DACH2: variants seen among roughly 807,000 people sequenced by gnomAD.
The protein encoded by DACH2 is dachshund family transcription factor 2.
A neutral mutation model predicts 35.8 loss-of-function variants in DACH2; 17 were observed. The ratio of observed to expected loss-of-function variants is 0.48; its 90% CI spans 0.33 to 0.71. DACH2 has a LOEUF of 0.71. Among genes scored for constraint, DACH2 ranks in the 30% least tolerant of loss-of-function variants. The probability of loss-of-function intolerance (pLI) is 0.02; values close to 1 mark genes in which losing one functional copy is unlikely to be tolerated. For missense variants in DACH2, 469 were observed against 472.7 expected (o/e 0.99, Z 0.07); for synonymous variants, 195 against 177.3 (o/e 1.10, Z -0.79).
intron 7 of DACH2, among the ~76,000 whole-genome samples, chrX:86,789,836 C>G: frequency 9.0e-6 from 1 of 111,576 alleles, no homozygotes; most frequent in South Asian, 3.7e-4. Context: ...GCCAAAAGGA[C>G]TCATAAAACT....
At chrX:86,393,672 T>A (rs1467993491) in intron 2 of DACH2, among the ~76,000 whole-genome samples, 1 of 111,710 alleles carries the variant, frequency 9.0e-6, no homozygotes, top group Non-Finnish European at 1.9e-5. Context: ...TGGGAAGGAA[T>A]CTTTATTTTG....
intron 4 of DACH2, among the ~76,000 whole-genome samples, chrX:86,653,476 G>A (rs899165106): frequency 8.1e-5 from 9 of 110,446 alleles, no homozygotes; most frequent in African/African-American, 2.6e-4. Flanking sequence ...CTCCCTGGGG[G>A]CTCTCATTCA....
chrX:86,804,783 C>T (rs2042326648), intron 7 of DACH2, among the ~76,000 whole-genome samples: 1 of 112,708 alleles, frequency 8.9e-6, no homozygotes, highest in South Asian at 3.6e-4. Context: ...GCAGCGCAGT[C>T]ATTAAATCTT....
At chrX:86,676,888 C>G (rs1454731967) in intron 4 of DACH2, among the ~76,000 whole-genome samples, 1 of 111,091 alleles carries the variant, frequency 9.0e-6, no homozygotes, top group Non-Finnish European at 1.9e-5. Context: ...ATCCATCACC[C>G]CACACTAGAT....
At chrX:86,306,716 C>T (rs2034696971) in intron 1 of DACH2, among the ~76,000 whole-genome samples, 1 of 111,780 alleles carries the variant, frequency 8.9e-6, no homozygotes, top group African/African-American at 3.3e-5. Flanking sequence ...GCTCTCCTTG[C>T]TCCTCAGCTT....
rs2030236946 is a variant in DACH2, at chrX:86,148,576, C to A, written c.-45C>A. 18 of 1,119,317 alleles carry A rather than the reference C, an allele frequency of 1.6e-5. No individual in the cohort carries two copies. The highest frequency in any genetic ancestry group is 2.0e-5 in the Non-Finnish European group (17 of 850,477). The allele number at this position is 1,119,317 out of a possible 1,213,427, so 92.2% of individuals were successfully genotyped here. A position where few individuals can be genotyped will look rare whatever the true frequency, so the allele number is the denominator to read the frequency against. On this transcript the variant is annotated 5_prime_UTR_variant, in exon 1 of 12. Coordinates refer to ENST00000373125, the MANE Select transcript of DACH2 (RefSeq NM_053281.3). ...GCGAGGGGATCTAGAGGAGTCAGGG[C>A]GAGAAAGCGAGGGCCGGAGGACCCA...
chrX:86,758,182 A>C (rs2041846975), intron 7 of DACH2, among the ~76,000 whole-genome samples: 1 of 110,896 alleles, frequency 9.0e-6, no homozygotes, highest in African/African-American at 3.3e-5. Context: ...GTGGTTTATC[A>C]ATTTTATCAT....
intron 3 of DACH2, among the ~76,000 whole-genome samples, chrX:86,537,655 T>C (rs937612640): frequency 7.1e-5 from 8 of 111,930 alleles, no homozygotes; most frequent in Non-Finnish European, 9.4e-5. Flanking sequence ...ACCTGAATTC[T>C]TTGCTTTTTA....
intron 1 of DACH2, among the ~76,000 whole-genome samples, chrX:86,271,878 T>C (rs777061680): frequency 3.5e-4 from 39 of 111,403 alleles, no homozygotes; most frequent in African/African-American, 1.2e-3. Flanking sequence ...GCAATTTTGT[T>C]ATATGCATAG....
In DACH2 at chrX:86,167,500, T is replaced by C. The variant is rs376177179; in HGVS notation, c.488+18392T>C. 1.5e-3 allele frequency among the ~76,000 whole-genome samples: 164 copies of C among 111,222 alleles called. 2 individuals carry two copies. The South Asian group carries it at 0.06, about 41-fold the overall frequency. The stretch of plus-strand genomic sequence containing the variant: ...TTGTCAGTTTTGTTTAACAAATCAA[T>C]TTTTTTGTTTTATAGATCTTTTGTT... On this transcript the variant is annotated intron_variant, in intron 1 of 11. Coordinates refer to ENST00000373125, the MANE Select transcript of DACH2 (RefSeq NM_053281.3).
chrX:86,305,144 C>G (rs780035039), intron 1 of DACH2: 1 of 134,626 alleles, frequency 7.4e-6, no homozygotes, highest in South Asian at 2.7e-4. Flanking sequence ...ACCAGCCTCA[C>G]CCTTTTTGGG....
chrX:86,478,874 A>G lies in DACH2; in HGVS notation c.528-35405A>G, dbSNP rs369333648. On this transcript the variant is annotated intron_variant, in intron 2 of 11. Transcript: ENST00000373125. The stretch of plus-strand genomic sequence containing the variant: ...AGCCATCCGCAGGCAGCTTGTGTTA[A>G]TCAGCTCAATTAGATCCTCTGCCTT... Among the ~76,000 whole-genome samples, 7 of 111,080 alleles carry G rather than the reference A, an allele frequency of 6.3e-5. No homozygotes were observed. In the East Asian group the frequency reaches 2.0e-3, roughly 32 times the overall value.
intron 1 of DACH2, among the ~76,000 whole-genome samples, chrX:86,204,856 G>A (rs916302316): frequency 9.0e-6 from 1 of 111,612 alleles, no homozygotes; most frequent in Non-Finnish European, 1.9e-5. Context: ...CTAAAGCAAG[G>A]CACATCAAAT....
At chrX:86,532,255 A>G (rs2038732755) in intron 3 of DACH2, among the ~76,000 whole-genome samples, 1 of 111,950 alleles carries the variant, frequency 8.9e-6, no homozygotes, top group Non-Finnish European at 1.9e-5. Context: ...TTGGGAAGGC[A>G]TGATTGGTTT....
Position 86,671,923 on chromosome X carries a change from A to G in DACH2, c.772+20756A>G, listed in dbSNP as rs534620301. ...GCATTGTGGAGTGGTTTTGACCAAA[A>G]TGCTGATTGTAATATGAACAGAGAT... On this transcript the variant is annotated intron_variant, in intron 4 of 11. Coordinates refer to ENST00000373125, the MANE Select transcript of DACH2 (RefSeq NM_053281.3). 9.8e-5 allele frequency among the ~76,000 whole-genome samples: 11 copies of G among 111,697 alleles called. No individual in the cohort carries two copies. The East Asian group carries it at 2.0e-3, about 20-fold the overall frequency.
chrX:86,473,587 T>A (rs1466815368), intron 2 of DACH2, among the ~76,000 whole-genome samples: 1 of 111,360 alleles, frequency 9.0e-6, no homozygotes, highest in Non-Finnish European at 1.9e-5. Context: ...AATTTTTTTT[T>A]ATTTTTAGAT....
intron 1 of DACH2, among the ~76,000 whole-genome samples, chrX:86,282,064 A>G (rs1393100584): frequency 8.9e-6 from 1 of 112,287 alleles, no homozygotes; most frequent in Non-Finnish European, 1.9e-5. Context: ...TCGTGAAAAT[A>G]GCCTTACTGG....
intron 2 of DACH2, among the ~76,000 whole-genome samples, chrX:86,423,191 G>A (rs1338872140): frequency 2.7e-5 from 3 of 110,963 alleles, no homozygotes; most frequent in Non-Finnish European, 5.7e-5. Flanking sequence ...TAGCCAGCAG[G>A]GAGATTGCGG....
chrX:86,404,639 G>T (rs2036493574), intron 2 of DACH2, among the ~76,000 whole-genome samples: 1 of 111,767 alleles, frequency 8.9e-6, no homozygotes, highest in Non-Finnish European at 1.9e-5. Flanking sequence ...AGTGTCTATG[G>T]GTTTTCCAGG....
Sources: allele counts gnomAD v4.1 joint callset (sites outside exome capture counted in the v4.1 genomes callset), GRCh38; gene constraint gnomAD v4.1.1; transcripts MANE v1.5; gene names NCBI Gene and HGNC (gene_info 2026-07-23, HGNC 2026-07-21).